PAM: variants seen among roughly 807,000 people sequenced by gnomAD.
PAM encodes peptidyl-glycine alpha-amidating monooxygenase.
PAM carries 72 observed loss-of-function variants against 122.1 expected under a neutral mutation model. The observed-to-expected ratio is 0.59, with a 90% CI of 0.49 to 0.72. The LOEUF is 0.72. PAM is among the 30% of genes least tolerant of loss of function. PAM has a pLI of 0.00. For synonymous variants in PAM, 389 were observed against 404.4 expected, an observed-to-expected ratio of 0.96 and a Z score of 0.46; for missense variants, 1,106 against 1,183.7, an observed-to-expected ratio of 0.93 and a Z score of 0.96.
intron 1 of PAM, among the ~76,000 whole-genome samples, chr5:102,804,567 A>G (rs1765718845): frequency 6.6e-6 from 1 of 152,180 alleles, no homozygotes; most frequent in African/African-American, 2.4e-5. Context: ...TTGAAATCCA[A>G]ATGCTCATAA....
At chr5:102,905,915 T>A (rs138571840) in intron 4 of PAM, among the ~76,000 whole-genome samples, 1 of 151,828 alleles carries the variant, frequency 6.6e-6, no homozygotes, top group African/African-American at 2.4e-5. Context: ...TAGTGAAAGC[T>A]ACTTGGAAAG....
chr5:102,773,401 G>A (rs1303396750), intron 1 of PAM, among the ~76,000 whole-genome samples: 1 of 152,060 alleles, frequency 6.6e-6, no homozygotes, highest in African/African-American at 2.4e-5. Flanking sequence ...TAGGCCACAT[G>A]TGATCTCTGT....
At chr5:102,950,092 T>C in intron 11 of PAM, 114 bp downstream of exon 11, 1 of 685,324 alleles carries the variant, frequency 1.5e-6, no homozygotes, top group South Asian at 1.8e-5. Context: ...TAAATCTGCC[T>C]TAACTGTATA....
At chr5:103,019,193 A>T (rs918665413) in intron 22 of PAM, among the ~76,000 whole-genome samples, 7 of 152,216 alleles carry the variant, frequency 4.6e-5, no homozygotes, top group African/African-American at 1.4e-4. Context: ...GATCTACAGA[A>T]AGAAGAGGAA....
intron 1 of PAM, among the ~76,000 whole-genome samples, chr5:102,766,926 A>ATTTTTTTTTTTGTTTTTTTT (rs1754151985): frequency 3.9e-5 from 1 of 25,830 alleles, no homozygotes; most frequent in Admixed American, 4.9e-4. Flanking sequence ...TCAGTTGTGG[A>ATTTTTTTTTTTGTTTTTTTT]TTTTTTTTTT....
intron 3 of PAM, among the ~76,000 whole-genome samples, chr5:102,878,551 G>A (rs1421401864): frequency 6.6e-6 from 1 of 152,062 alleles, no homozygotes; most frequent in African/African-American, 2.4e-5. Flanking sequence ...TCCTTCAGGA[G>A]GTATTTGAGA....
intron 1 of PAM, among the ~76,000 whole-genome samples, chr5:102,830,039 G>C (rs1416275182): frequency 6.6e-6 from 1 of 152,136 alleles, no homozygotes; most frequent in African/African-American, 2.4e-5. Flanking sequence ...AGATGTTTTG[G>C]GGGTCTACCT....
chr5:102,879,646 G>T (rs941250472), intron 3 of PAM, among the ~76,000 whole-genome samples: 1 of 152,074 alleles, frequency 6.6e-6, no homozygotes, highest in Non-Finnish European at 1.5e-5. Flanking sequence ...ATTGTTTCCT[G>T]AGGTCTCCCC....
rs1213297326 is a variant in PAM, at chr5:102,856,007, AC to A, written c.-373-9815del. 5.9e-5 allele frequency among the ~76,000 whole-genome samples: 9 copies of A among 152,160 alleles called. 1 individual carries two copies. The South Asian group carries it at 6.2e-4, about 11-fold the overall frequency. ...ATGATTCACACTTTTTTTGAAAAAA[AC>A]ATCCAAGATTTGAAATGTAGTGAGG... On this transcript the variant is annotated intron_variant, in intron 1 of 25. Coordinates refer to ENST00000438793, the MANE Select transcript of PAM (RefSeq NM_001177306.2).
intron 1 of PAM, among the ~76,000 whole-genome samples, chr5:102,766,923 T>C (rs2432165): frequency 0.38 from 35,051 of 91,046 alleles, 9,695 homozygotes; most frequent in East Asian, 0.47. Context: ...GCTTCAGTTG[T>C]GGATTTTTTT....
chr5:102,866,253 G>T lies in PAM; in HGVS notation c.58G>T (p.Ala20Ser), dbSNP rs1454314292. Reference sequence around the variant, plus strand: ...CCTTGTTTTTCCAAGCAGCTGTTTGGCTTTCCGAAGCCCACTTTCTGTCTT... The same window carrying T: ...CCTTGTTTTTCCAAGCAGCTGTTTGTCTTTCCGAAGCCCACTTTCTGTCTT... ...VLLVFPSSCL[A>S]FRSPLSVFKR... The change falls in exon 2 of 26, where the codon GCT (alanine) becomes TCT (serine). Residue 20 changes from alanine to serine, a missense_variant. Ala to Ser is a moderately conservative substitution (Grantham distance 99). Coordinates refer to ENST00000438793, the MANE Select transcript of PAM (RefSeq NM_001177306.2). 6.2e-7 allele frequency: 1 copy of T among 1,613,438 alleles called. No homozygotes were observed. The highest frequency in any genetic ancestry group is 8.5e-7 in the Non-Finnish European group (1 of 1,179,474).
chr5:102,771,864 G>A (rs1272636822), intron 1 of PAM, among the ~76,000 whole-genome samples: 2 of 152,120 alleles, frequency 1.3e-5, no homozygotes, highest in Non-Finnish European at 2.9e-5. Flanking sequence ...TATGCTAGAA[G>A]GGCTGTGGCT....
Position 103,009,625 on chromosome 5 carries a change from C to T in PAM, c.2216-126C>T, listed in dbSNP as rs560268070. ...GAGACACTAAGTATTTTATATTCTA[C>T]TTTTGTTGCCAATTGTAGGGACCAG... On this transcript the variant is annotated intron_variant, in intron 20 of 25. Coordinates refer to ENST00000438793, the MANE Select transcript of PAM (RefSeq NM_001177306.2). The T allele has an allele frequency of 5.6e-5, 33 of 593,360 alleles. No individual in the cohort carries two copies. The East Asian group carries it at 1.1e-3, about 19-fold the overall frequency. The allele number at this position is 593,360 out of a possible 1,614,324, so 36.8% of individuals were successfully genotyped here.
chr5:102,794,153 C>T (rs1762767206), intron 1 of PAM, among the ~76,000 whole-genome samples: 2 of 152,062 alleles, frequency 1.3e-5, no homozygotes, highest in African/African-American at 4.8e-5. Flanking sequence ...ACATGTATAC[C>T]TGTTACTGGT....
At chr5:102,997,401 C>T (rs72785717) in intron 16 of PAM, among the ~76,000 whole-genome samples, 33,439 of 151,874 alleles carry the variant, frequency 0.22, 4,631 homozygotes, top group Non-Finnish European at 0.31. Context: ...CCTGTGGTCC[C>T]AGCTACACTC....
chr5:102,948,552 T>C (rs985525017), intron 9 of PAM, 107 bp downstream of exon 9: 33 of 631,174 alleles, frequency 5.2e-5, no homozygotes, highest in Admixed American at 7.6e-5. Context: ...TATTTTTATG[T>C]CTTGGAAAAA....
chr5:102,793,564 G>A (rs182908356), intron 1 of PAM, among the ~76,000 whole-genome samples: 3 of 152,118 alleles, frequency 2.0e-5, no homozygotes, highest in Non-Finnish European at 2.9e-5. Context: ...CTTGTCAGTG[G>A]AAATGTTTGA....
In PAM at chr5:102,878,016, A is replaced by T. The variant is rs140892089; in HGVS notation, c.210+10623A>T. On this transcript the variant is annotated intron_variant, in intron 3 of 25. Transcript: ENST00000438793. ...GCATTCCAGCCTATATGACAGAGTG[A>T]GACCCTTTCTCAAAAAAAAAGAAAA... Among the ~76,000 whole-genome samples the T allele has an allele frequency of 1.7e-3, 263 of 150,372 alleles. 1 individual carries two copies. Among genetic ancestry groups the T allele is most frequent in the African/African-American group, 6.3e-3 (251 of 39,924 alleles).
chr5:102,901,156 T>A (rs916416168), intron 3 of PAM, among the ~76,000 whole-genome samples, 200 bp from the exon 4 acceptor site: 7 of 151,570 alleles, frequency 4.6e-5, no homozygotes, highest in African/African-American at 1.7e-4. Context: ...CTAAAGTTGT[T>A]TAGGAAAGAG....
Sources: gnomAD v4.1 joint callset for allele counts (sites outside exome capture counted in the v4.1 genomes callset) on GRCh38, gnomAD v4.1.1 for gene constraint, MANE v1.5 for transcripts, NCBI Gene and HGNC (gene_info 2026-07-23, HGNC 2026-07-21) for gene names.